HDAC9: variants seen among roughly 807,000 people sequenced by gnomAD.
HDAC9 encodes histone deacetylase 9.
A neutral mutation model predicts 139.4 loss-of-function variants in HDAC9; 41 were observed. The observed-to-expected ratio is 0.29, with a 90% CI of 0.23 to 0.38. The LOEUF is 0.38. Among genes scored for constraint, HDAC9 ranks in the 10% least tolerant of loss-of-function variants. HDAC9 has a pLI of 1.00. For synonymous variants in HDAC9, 517 were observed against 476.2 expected (o/e 1.09, Z -1.12); for missense variants, 1,147 against 1,297.0 (o/e 0.88, Z 1.78).
At chr7:18,636,575 C>T (rs999413962) in intron 8 of HDAC9, among the ~76,000 whole-genome samples, 1 of 152,026 alleles carries the variant, frequency 6.6e-6, no homozygotes, top group Non-Finnish European at 1.5e-5. Context: ...TAGATGCTGT[C>T]GTTTGACCAT....
intron 2 of HDAC9, among the ~76,000 whole-genome samples, chr7:18,211,219 A>C (rs1791914632): frequency 6.6e-6 from 1 of 152,200 alleles, no homozygotes; most frequent in Non-Finnish European, 1.5e-5. Flanking sequence ...CTGTGCTTCC[A>C]TACCTTTGGG....
chr7:18,958,827 G>C lies in HDAC9; in HGVS notation c.3022+4597G>C, dbSNP rs1489197617. Among the ~76,000 whole-genome samples, 5 of 152,148 alleles carry C rather than the reference G, an allele frequency of 3.3e-5. 1 individual carries two copies. In the South Asian group the frequency reaches 1.0e-3, roughly 32 times the overall value. On this transcript the variant is annotated intron_variant, in intron 24 of 25. Transcript: ENST00000686413. ...AGAAGACCAAGCAAAATACATGAGA[G>C]TCCATTTCCTCTCCTTTCTTCACAA...
intron 21 of HDAC9, among the ~76,000 whole-genome samples, chr7:18,867,155 A>G (rs1049385945): frequency 1.3e-5 from 2 of 152,214 alleles, no homozygotes; most frequent in Non-Finnish European, 2.9e-5. Flanking sequence ...GGAGACATGC[A>G]GGGAAGAAGG....
chr7:18,948,402 A>G (rs1031717301), intron 23 of HDAC9, among the ~76,000 whole-genome samples: 1 of 152,048 alleles, frequency 6.6e-6, no homozygotes, highest in African/African-American at 2.4e-5. Context: ...AAAATTTAAA[A>G]CTCACTTAAA....
At chr7:18,526,390 G>C (rs984793741) in intron 2 of HDAC9, among the ~76,000 whole-genome samples, 3 of 152,006 alleles carry the variant, frequency 2.0e-5, no homozygotes, top group Admixed American at 2.0e-4. Context: ...CTAAAGGGGT[G>C]GTATTTTATG....
At chr7:18,322,316 T>C (rs1800090188) in intron 1 of HDAC9, among the ~76,000 whole-genome samples, 1 of 152,176 alleles carries the variant, frequency 6.6e-6, no homozygotes, top group African/African-American at 2.4e-5. Context: ...AAGAGAAAGA[T>C]TTTTGGATGT....
chr7:18,146,876 G>A (rs973301406), intron 1 of HDAC9, among the ~76,000 whole-genome samples: 2 of 152,092 alleles, frequency 1.3e-5, no homozygotes, highest in East Asian at 3.8e-4. Flanking sequence ...TGCCCTGGGG[G>A]CGTTAGACAG....
chr7:18,451,401 G>GTA (rs1554422578), intron 1 of HDAC9, among the ~76,000 whole-genome samples: 5,144 of 135,084 alleles, frequency 0.038, 114 homozygotes, highest in South Asian at 0.062. Flanking sequence ...GTGTGTGTGT[G>GTA]TATATATGTG....
At chr7:18,798,236 C>A (rs1792978393) in intron 17 of HDAC9, among the ~76,000 whole-genome samples, 1 of 152,134 alleles carries the variant, frequency 6.6e-6, no homozygotes, top group African/African-American at 2.4e-5. Context: ...CATTTTACCA[C>A]AATGACATCA....
chr7:18,876,703 ATTT>A (rs71017009), intron 22 of HDAC9, among the ~76,000 whole-genome samples: 2 of 145,116 alleles, frequency 1.4e-5, no homozygotes, highest in African/African-American at 5.1e-5. Flanking sequence ...ATGAGAATAG[ATTT>A]TTTTTTTTTT....
chr7:18,750,747 G>T (rs574793964), intron 14 of HDAC9, among the ~76,000 whole-genome samples: 67 of 152,308 alleles, frequency 4.4e-4, no homozygotes, highest in African/African-American at 1.6e-3. Context: ...AAGTAGACCA[G>T]CAAGGAGAAT....
chr7:18,688,354 G>T (rs1270446374), intron 12 of HDAC9, among the ~76,000 whole-genome samples: 3 of 151,640 alleles, frequency 2.0e-5, no homozygotes, highest in African/African-American at 4.8e-5. Context: ...AATGATGAAG[G>T]TTCCATTTCT....
At chr7:18,966,593 C>CA (rs890518016) in intron 24 of HDAC9, among the ~76,000 whole-genome samples, 1 of 152,026 alleles carries the variant, frequency 6.6e-6, no homozygotes, top group Admixed American at 6.5e-5. Flanking sequence ...CGCAGCTACT[C>CA]ACGAGGCTGA....
intron 24 of HDAC9, among the ~76,000 whole-genome samples, chr7:18,961,756 A>G (rs1412195338): frequency 6.6e-6 from 1 of 152,170 alleles, no homozygotes; most frequent in East Asian, 1.9e-4. Flanking sequence ...CCCATTTTAT[A>G]GTGAAGTAAA....
chr7:18,423,522 C>T (rs974778644), intron 1 of HDAC9, among the ~76,000 whole-genome samples: 2 of 152,120 alleles, frequency 1.3e-5, no homozygotes, highest in Non-Finnish European at 2.9e-5. Flanking sequence ...AATATTATCC[C>T]CACAACATAG....
intron 22 of HDAC9, among the ~76,000 whole-genome samples, chr7:18,894,208 A>G (rs192029305): frequency 2.6e-5 from 4 of 152,246 alleles, no homozygotes; most frequent in Admixed American, 2.0e-4. Context: ...TGAGAGTTAA[A>G]TTTAGTTGTT....
intron 1 of HDAC9, among the ~76,000 whole-genome samples, chr7:18,088,969 C>G (rs1781970302): frequency 1.3e-5 from 2 of 152,130 alleles, no homozygotes; most frequent in African/African-American, 2.4e-5. Context: ...ATGCCATTTT[C>G]TGTGTGGGAA....
chr7:18,494,804 T>G (rs1796661421), upstream of HDAC9, among the ~76,000 whole-genome samples: 1 of 152,090 alleles, frequency 6.6e-6, no homozygotes, highest in Non-Finnish European at 1.5e-5. Flanking sequence ...ACCATATATA[T>G]GATTTATCCA....
At chr7:18,888,426 A>AAAAAT (rs371945687) in intron 22 of HDAC9, among the ~76,000 whole-genome samples, 3 of 152,358 alleles carry the variant, frequency 2.0e-5, no homozygotes, top group East Asian at 3.9e-4. Flanking sequence ...CTCCGTCTCA[A>AAAAAT]AAAATAAAAT....
Sources: allele counts gnomAD v4.1 joint callset (sites outside exome capture counted in the v4.1 genomes callset), GRCh38; gene constraint gnomAD v4.1.1; transcripts MANE v1.5; gene names NCBI Gene and HGNC (gene_info 2026-07-23, HGNC 2026-07-21).